Variants in NEBL observed in about 807,000 individuals in gnomAD.
NEBL encodes the protein LIM and SH3 protein 2.
Under a neutral mutation model 140.2 loss-of-function variants are expected in NEBL, and 122 were observed. The observed-to-expected ratio is 0.87, with a 90% confidence interval of 0.75 to 1.01. The LOEUF (loss-of-function observed/expected upper bound fraction) is 1.01, where lower values mean the gene tolerates loss of function less well. Among genes scored for constraint, NEBL ranks in the 50% least tolerant of loss-of-function variants. NEBL has a pLI of 0.00. For synonymous variants in NEBL, 436 were observed against 398.9 expected (o/e 1.09, Z -1.11); for missense variants, 1,365 against 1,231.3 (o/e 1.11, Z -1.62).
chr10:20,890,890 T>A (rs1846974157), intron 2 of NEBL, among the ~76,000 whole-genome samples: 1 of 152,184 alleles, frequency 6.6e-6, no homozygotes, highest in Admixed American at 6.5e-5. Flanking sequence ...TGCAGGTAAT[T>A]TGCTAAAAGT....
chr10:20,987,647 G>C (rs988655228), intron 3 of NEBL, among the ~76,000 whole-genome samples: 2 of 152,122 alleles, frequency 1.3e-5, no homozygotes, highest in African/African-American at 4.8e-5. Context: ...TCTATACTAG[G>C]ATCCATCTGA....
chr10:21,262,735 T>TG (rs1184617454), intron 1 of NEBL, among the ~76,000 whole-genome samples: 1 of 152,184 alleles, frequency 6.6e-6, no homozygotes. Context: ...AGGCTGGGGC[T>TG]GGGGATGGAA....
At chr10:21,187,508 T>TTA (rs1841495385) in intron 3 of NEBL, among the ~76,000 whole-genome samples, 1 of 150,110 alleles carries the variant, frequency 6.7e-6, no homozygotes, top group Admixed American at 6.7e-5. Context: ...ACTATTATTA[T>TTA]TTATTATTAT....
intron 2 of NEBL, among the ~76,000 whole-genome samples, chr10:21,048,654 A>C (rs1261140337): frequency 6.6e-6 from 1 of 152,066 alleles, no homozygotes; most frequent in Non-Finnish European, 1.5e-5. Flanking sequence ...GCAAGTCCAA[A>C]ATCTGCAGGG....
chr10:20,926,082 A>C (rs1833901013), intron 4 of NEBL, among the ~76,000 whole-genome samples: 1 of 152,206 alleles, frequency 6.6e-6, no homozygotes, highest in South Asian at 2.1e-4. Context: ...GCCTCTTATG[A>C]AATCTTATAG....
intron 3 of NEBL, among the ~76,000 whole-genome samples, chr10:21,211,371 C>T (rs1187444235): frequency 6.6e-6 from 1 of 152,062 alleles, no homozygotes; most frequent in African/African-American, 2.4e-5. Context: ...GTCCCAGCTA[C>T]TAGGGAGGCT....
chr10:20,814,059 T>G lies in NEBL; in HGVS notation c.2242-16A>C. ...TATATTTTACCTGCAAAGTAAATAG[T>G]AGGCATAAGACAATGATAAGAAAAC... On this transcript the variant is annotated splice_polypyrimidine_tract_variant and intron_variant, in intron 22 of 27. Coordinates refer to ENST00000377122, the MANE Select transcript of NEBL (RefSeq NM_006393.3). The G allele has an allele frequency of 2.1e-6, 3 of 1,443,052 alleles. No individual in the cohort carries two copies. In the African/African-American group the frequency reaches 4.2e-5, roughly 20 times the overall value. The allele number at this position is 1,443,052 out of a possible 1,614,324, so 89.4% of individuals were successfully genotyped here. A position where few individuals can be genotyped will look rare whatever the true frequency, so the allele number is the denominator to read the frequency against.
At position 21,243,897 on chromosome 10, in the gene NEBL, A is replaced by G. The variant is rs1382313440; in HGVS notation, n.348+4024T>C. Among the ~76,000 whole-genome samples the G allele has an allele frequency of 6.3e-5, 9 of 142,908 alleles. No individual in the cohort carries two copies. The East Asian group carries it at 1.5e-3, about 24-fold the overall frequency. 93.8% of individuals were successfully genotyped at this position (142,908 alleles called of 152,430 possible). ...AGCAAAAAAAGAAAGAGAGAGAGAG[A>G]GGAAGGAAGGAAGGAAGGCGAAAGG... On this transcript the variant is annotated intron_variant and non_coding_transcript_variant, in intron 3 of 8. Coordinates refer to the NEBL transcript ENST00000675702.
intron 3 of NEBL, among the ~76,000 whole-genome samples, chr10:21,232,634 C>T (rs1251924889): frequency 6.6e-6 from 1 of 152,172 alleles, no homozygotes; most frequent in Non-Finnish European, 1.5e-5. Context: ...AGGGTTTGCG[C>T]TTCTATGAGA....
rs990196202 is a variant in NEBL, at chr10:21,022,639, T to C, written c.165-2438A>G. On this transcript the variant is annotated intron_variant, in intron 2 of 6. Coordinates refer to the NEBL transcript ENST00000417816. ...ACACAATTTTCCTGCCTTCTTAGAG[T>C]ATAAACGAATCTAGTTATATTTTTT... Among the ~76,000 whole-genome samples, 4 of 152,196 alleles carry C rather than the reference T, an allele frequency of 2.6e-5. No homozygotes were observed. The East Asian group carries it at 7.7e-4, about 29-fold the overall frequency.
At chr10:21,033,238 C>G (rs638548) in intron 2 of NEBL, among the ~76,000 whole-genome samples, 92,465 of 151,974 alleles carry the variant, frequency 0.61, 28,168 homozygotes, top group East Asian at 0.73. Context: ...TATGAGTATA[C>G]TCTGAAAAAT....
At chr10:20,841,307 C>T (rs1033037023) in intron 12 of NEBL, 6 of 171,436 alleles carry the variant, frequency 3.5e-5, no homozygotes, top group Admixed American at 2.3e-4. Flanking sequence ...TGAGCAGAAA[C>T]CACTTTCATT....
chr10:20,826,319 T>C (rs1056160148), intron 18 of NEBL, 128 bp downstream of exon 18: 2 of 773,124 alleles, frequency 2.6e-6, no homozygotes, highest in Non-Finnish European at 4.5e-6. Context: ...TGATATATGA[T>C]GAAATAGCAT....
rs1837839860 is a variant in NEBL at position 20,808,600 on chromosome 10, T to C, written c.2671A>G (p.Thr891Ala). Residue 891 changes from threonine to alanine, a missense_variant, in exon 26 of 28, where the codon ACA becomes GCA. This residue lies in a region of NEBL where 1,323 missense variants were observed against 1,154.8 expected (regional missense o/e 1.15). Coordinates refer to ENST00000377122, the MANE Select transcript of NEBL (RefSeq NM_006393.3). ...TCTGACCTGTCGTCTCCGAGACCTG[T>C]ACCGAAAGTACTGCTGGAATGGGAT... ...SRSHSSSTFG[T>A]GLGDDRSEIS... is the part of the protein sequence containing the mutation. 18 of 1,613,332 alleles carry C rather than the reference T, an allele frequency of 1.1e-5. No homozygotes were observed. The highest frequency in any genetic ancestry group is 1.3e-5 in the African/African-American group (1 of 74,904).
intron 3 of NEBL, among the ~76,000 whole-genome samples, chr10:21,181,177 C>T (rs928717361): frequency 3.3e-5 from 5 of 151,596 alleles, no homozygotes; most frequent in Non-Finnish European, 2.9e-5. Context: ...GCAGGAGAAT[C>T]GCTTGAACCC....
At chr10:21,017,103 A>G (rs957869712) in intron 3 of NEBL, among the ~76,000 whole-genome samples, 1 of 152,260 alleles carries the variant, frequency 6.6e-6, no homozygotes, top group African/African-American at 2.4e-5. Flanking sequence ...GTCCCATTCC[A>G]AGACCTATTC....
intron 2 of NEBL, among the ~76,000 whole-genome samples, chr10:21,104,827 C>T: frequency 6.6e-6 from 1 of 152,196 alleles, no homozygotes; most frequent in East Asian, 1.9e-4. Context: ...AACTTTCTGT[C>T]TTTCACCATC....
At chr10:20,874,608 A>T (rs1447830067) in intron 5 of NEBL, among the ~76,000 whole-genome samples, 1 of 152,202 alleles carries the variant, frequency 6.6e-6, no homozygotes, top group Non-Finnish European at 1.5e-5. Flanking sequence ...CCTCCAGCCC[A>T]CTTATGCCTG....
intron 1 of NEBL, among the ~76,000 whole-genome samples, chr10:21,278,455 A>C (rs1842951178): frequency 1.3e-5 from 2 of 152,134 alleles, no homozygotes; most frequent in Admixed American, 1.3e-4. Flanking sequence ...AAAAAATGAA[A>C]AGTAAACTGG....
Sources: allele counts gnomAD v4.1 joint callset (sites outside exome capture counted in the v4.1 genomes callset), GRCh38; gene constraint gnomAD v4.1.1; regional missense constraint gnomAD v4.1.1; transcripts MANE v1.5; gene names NCBI Gene and HGNC (gene_info 2026-07-23, HGNC 2026-07-21).